The following AGAP3 variants were observed in gnomAD, a reference collection of about 807,000 sequenced individuals.
AGAP3 encodes ArfGAP with GTPase domain, ankyrin repeat and PH domain 3.
In AGAP3, 24 loss-of-function variants were observed where a neutral mutation model predicts 96.9. That is an observed-to-expected ratio of 0.25 (90% confidence interval 0.18 to 0.35). The LOEUF (loss-of-function observed/expected upper bound fraction) is 0.35. AGAP3 is among the 10% of genes least tolerant of loss of function. The pLI is 1.00. For missense variants in AGAP3, 876 were observed against 1,254.2 expected (o/e 0.70, Z 4.55); for synonymous variants, 563 against 536.1 (o/e 1.05, Z -0.69).
chr7:151,115,148 C>G, intron 1 of AGAP3: 1 of 1,045,812 alleles, frequency 9.6e-7, no homozygotes, highest in Admixed American at 5.3e-5. Flanking sequence ...GGCCGGCCAG[C>G]ATGACTTTCC....
At chr7:151,126,567 C>CG (rs1284632339) in intron 9 of AGAP3, among the ~76,000 whole-genome samples, 1 of 59,994 alleles carries the variant, frequency 1.7e-5, no homozygotes, top group African/African-American at 6.5e-5. Flanking sequence ...GGGGGCGGGG[C>CG]GGGGGGTATT....
At chr7:151,115,605 G>C (rs553611118) in intron 1 of AGAP3, 1 of 1,167,694 alleles carries the variant, frequency 8.6e-7, no homozygotes, top group African/African-American at 1.6e-5. Context: ...GGGCCGTCGG[G>C]CGGCTGCGGC....
chr7:151,122,778 T>A lies in AGAP3; in HGVS notation c.1129-1016T>A, dbSNP rs761802545. ...CAACAAAAAGGCCTTTCCAACTCCTTCCAAATTAGAAGACCAGTTGGTGAC... is the reference window on the plus strand; with the variant it reads ...CAACAAAAAGGCCTTTCCAACTCCTACCAAATTAGAAGACCAGTTGGTGAC... On this transcript the variant is annotated intron_variant, in intron 8 of 17. Transcript: ENST00000397238. 4 of 1,613,660 alleles carry A rather than the reference T, an allele frequency of 2.5e-6. No homozygotes were observed. In the Admixed American group the frequency reaches 5.0e-5, roughly 20 times the overall value.
At chr7:151,119,819 T>C (rs986867729) in intron 7 of AGAP3, among the ~76,000 whole-genome samples, 168 bp from the exon 8 acceptor site, 1 of 152,186 alleles carries the variant, frequency 6.6e-6, no homozygotes, top group African/African-American at 2.4e-5. Context: ...CCTGCTGGCC[T>C]CCAGGCCAGG....
chr7:151,115,321 C>T (rs1212467880), intron 1 of AGAP3: 12 of 1,010,202 alleles, frequency 1.2e-5, no homozygotes, highest in African/African-American at 7.0e-5. Context: ...CGCGGCCTGG[C>T]GGCGCTCAGG....
intron 1 of AGAP3, among the ~76,000 whole-genome samples, chr7:151,104,406 G>T (rs561914169): frequency 9.8e-5 from 15 of 152,298 alleles, no homozygotes; most frequent in African/African-American, 3.6e-4. Context: ...CATGCTTTGC[G>T]TGCCCGCTAT....
At position 151,142,681 on chromosome 7, in the gene AGAP3, G is replaced by A. The variant is rs769250698; in HGVS notation, c.2273+47G>A. ...GCTGGCCAGGAATGGGGGAAGCGTTGGGGGCTCCCAGCATGGGGAAGATTG... is the reference window on the plus strand; with the variant it reads ...GCTGGCCAGGAATGGGGGAAGCGTTAGGGGCTCCCAGCATGGGGAAGATTG... On this transcript the variant is annotated intron_variant, in intron 16 of 17. Transcript: ENST00000397238. This position sits in a 1 kb window ranked among gnomAD's most constrained non-coding sequence, Gnocchi z 7.5. 18 of 1,570,500 alleles carry A rather than the reference G, an allele frequency of 1.1e-5. No individual in the cohort carries two copies. The highest frequency in any genetic ancestry group is 2.2e-5 in the South Asian group (2 of 89,946).
At chr7:151,104,569 C>G (rs774000606) in intron 1 of AGAP3, among the ~76,000 whole-genome samples, 6 of 152,188 alleles carry the variant, frequency 3.9e-5, no homozygotes, top group Non-Finnish European at 8.8e-5. Context: ...GGCGCAACCT[C>G]ACTAGTAATC....
intron 1 of AGAP3, among the ~76,000 whole-genome samples, chr7:151,088,656 C>T: frequency 6.6e-6 from 1 of 152,240 alleles, no homozygotes; most frequent in Non-Finnish European, 1.5e-5. Context: ...GGTGGGGGCA[C>T]ATCTGCTTCC....
chr7:151,099,279 C>G, intron 1 of AGAP3, among the ~76,000 whole-genome samples: 1 of 149,526 alleles, frequency 6.7e-6, no homozygotes, highest in Non-Finnish European at 1.5e-5. Flanking sequence ...GGAGGCGGAG[C>G]TTGCAGTGAG....
In AGAP3 at chr7:151,132,947, G is replaced by A. The variant is rs76255564; in HGVS notation, c.1327-1453G>A. ...AGTGTCAGTTTTCCCTGGAGCTAAC[G>A]GGGTGAGAAGATAGAGCCAGCCTGG... On this transcript the variant is annotated intron_variant, in intron 10 of 17. Transcript: ENST00000397238. Among the ~76,000 whole-genome samples the A allele has an allele frequency of 6.9e-3, 1,051 of 152,310 alleles. 7 individuals are homozygous for A. The highest frequency in any genetic ancestry group is 0.024 in the African/African-American group (988 of 41,556).
intron 9 of AGAP3, among the ~76,000 whole-genome samples, chr7:151,127,555 G>T (rs968061551): frequency 2.0e-5 from 3 of 152,116 alleles, no homozygotes; most frequent in African/African-American, 4.8e-5. Flanking sequence ...CTTGAGTTGG[G>T]GATTTTGGAG....
chr7:151,130,178 C>T (rs2150512819), intron 10 of AGAP3, among the ~76,000 whole-genome samples: 1 of 152,322 alleles, frequency 6.6e-6, no homozygotes, highest in Admixed American at 6.5e-5. Flanking sequence ...TTCTTACCTG[C>T]TCCTTTCTGT....
rs189202030 is a variant in AGAP3 at position 151,130,864 on chromosome 7, C to T, written c.1326+2180C>T. Among the ~76,000 whole-genome samples the T allele has an allele frequency of 2.4e-4, 36 of 152,330 alleles. 1 individual carries two copies. In the East Asian group the frequency reaches 6.6e-3, roughly 28 times the overall value. ...TCCCTCCGGGGCTGCCACCTCACCT[C>T]CTTCATCTCCCCTGGCCGCCACCTT... On this transcript the variant is annotated intron_variant, in intron 10 of 17. Coordinates refer to ENST00000397238, the MANE Select transcript of AGAP3 (RefSeq NM_031946.7).
intron 1 of AGAP3, among the ~76,000 whole-genome samples, chr7:151,111,151 G>GCC (rs1397267638): frequency 2.0e-5 from 3 of 152,216 alleles, no homozygotes; most frequent in African/African-American, 7.2e-5. Context: ...GGGCTCAGTG[G>GCC]CGGGTGTGTG....
At chr7:151,131,882 A>G (rs945121076) in intron 10 of AGAP3, among the ~76,000 whole-genome samples, 1 of 152,084 alleles carries the variant, frequency 6.6e-6, no homozygotes, top group African/African-American at 2.4e-5. Context: ...CCTCCTTGTG[A>G]ACTAGAGCAG....
chr7:151,117,291 C>G, intron 3 of AGAP3, 80 bp from the exon 4 acceptor site: 2 of 1,597,898 alleles, frequency 1.3e-6, no homozygotes, highest in Non-Finnish European at 1.7e-6. Context: ...TCTTCCCTCC[C>G]GCATGGGAAG....
intron 1 of AGAP3, chr7:151,116,395 TG>T: frequency 5.0e-6 from 1 of 198,746 alleles, no homozygotes; most frequent in Non-Finnish European, 1.0e-5. Flanking sequence ...CCCAACCAGG[TG>T]CCCAGCCCTT....
At chr7:151,101,395 G>A (rs574254347) in intron 1 of AGAP3, among the ~76,000 whole-genome samples, 1 of 152,348 alleles carries the variant, frequency 6.6e-6, no homozygotes, top group Non-Finnish European at 1.5e-5. Context: ...TGCCCTCCCT[G>A]TTGGCAGGGA....
Sources: gnomAD v4.1 joint callset for allele counts (sites outside exome capture counted in the v4.1 genomes callset) on GRCh38, gnomAD v4.1.1 for gene constraint, Gnocchi (gnomAD v3.1) non-coding constraint, MANE v1.5 for transcripts, NCBI Gene and HGNC (gene_info 2026-07-23, HGNC 2026-07-21) for gene names.